TUBGCP3: variants seen among roughly 807,000 people sequenced by gnomAD.
The protein encoded by TUBGCP3 is gamma-tubulin complex component 3.
In TUBGCP3, 50 loss-of-function variants were observed where a neutral mutation model predicts 123.1. The ratio of observed to expected loss-of-function variants is 0.41; its 90% CI spans 0.32 to 0.51. The LOEUF is 0.51. Ranked by LOEUF, TUBGCP3 falls within the 20% of genes least tolerant of loss-of-function variation. The pLI, the probability that TUBGCP3 is intolerant of heterozygous loss-of-function variation, is 0.36. For synonymous variants in TUBGCP3, 405 were observed against 413.9 expected (o/e 0.98, Z 0.26); for missense variants, 882 against 1,127.0 (o/e 0.78, Z 3.11).
chr13:112,572,291 C>T (rs146023810), intron 1 of TUBGCP3, among the ~76,000 whole-genome samples: 2,797 of 152,244 alleles, frequency 0.018, 37 homozygotes, highest in South Asian at 0.049. Flanking sequence ...AAACAAAAAG[C>T]GGGATACATG....
intron 1 of TUBGCP3, among the ~76,000 whole-genome samples, chr13:112,587,703 T>A (rs1594243450): frequency 7.6e-6 from 1 of 131,146 alleles, no homozygotes; most frequent in South Asian, 2.4e-4. Context: ...CCCCCAGCCC[T>A]CCGCTGTCCT....
At position 112,557,379 on chromosome 13, in the gene TUBGCP3, A is replaced by G. The variant is rs748641027; in HGVS notation, c.548+817T>C. Among the ~76,000 whole-genome samples the G allele has an allele frequency of 1.7e-4, 26 of 152,244 alleles. 1 individual carries two copies. Among genetic ancestry groups the G allele is most frequent in the Non-Finnish European group, 3.7e-4 (25 of 68,040 alleles). On this transcript the variant is annotated intron_variant, in intron 5 of 21. Coordinates refer to ENST00000261965, the MANE Select transcript of TUBGCP3 (RefSeq NM_006322.6). The stretch of plus-strand genomic sequence containing the variant: ...CATTCTGTTTTCGAGTATCTTGAAC[A>G]TAATTGAATAAATCACAAAATGATT...
intron 1 of TUBGCP3, among the ~76,000 whole-genome samples, chr13:112,579,688 T>A (rs530387351): frequency 1.5e-5 from 2 of 137,830 alleles, no homozygotes; most frequent in East Asian, 4.5e-4. Context: ...CACACTGCTG[T>A]GTGCGGGTGG....
chr13:112,576,232 G>C (rs566768158), intron 1 of TUBGCP3, among the ~76,000 whole-genome samples: 2 of 151,818 alleles, frequency 1.3e-5, no homozygotes, highest in Admixed American at 1.3e-4. Context: ...GCCTCAAATT[G>C]GAAAAACTGC....
intron 3 of TUBGCP3, among the ~76,000 whole-genome samples, chr13:112,560,681 A>G (rs912826193): frequency 2.0e-5 from 3 of 152,214 alleles, no homozygotes; most frequent in Non-Finnish European, 4.4e-5. Flanking sequence ...TAAACTCTCC[A>G]TTATATAAAA....
chr13:112,551,022 A>G (rs556094212), intron 8 of TUBGCP3, among the ~76,000 whole-genome samples: 3 of 151,762 alleles, frequency 2.0e-5, no homozygotes, highest in African/African-American at 4.8e-5. Context: ...TGGCGTGAAC[A>G]TGGGAGGCGG....
the TUBGCP3 span, among the ~76,000 whole-genome samples, chr13:112,601,057 G>A: frequency 1.3e-5 from 2 of 151,762 alleles, no homozygotes; most frequent in East Asian, 1.9e-4. Context: ...ACGCAGTAGC[G>A]TTTGCCTGTA....
At chr13:112,555,645 G>A (rs1159221762) in intron 6 of TUBGCP3, among the ~76,000 whole-genome samples, 1 of 152,190 alleles carries the variant, frequency 6.6e-6, no homozygotes, top group Non-Finnish European at 1.5e-5. Context: ...CACCATAAAT[G>A]AAAAGACATA....
intron 7 of TUBGCP3, 88 bp from the exon 8 acceptor site, chr13:112,554,270 T>C: frequency 6.8e-7 from 1 of 1,462,568 alleles, no homozygotes; most frequent in Non-Finnish European, 9.3e-7. Context: ...CTACTTTTAA[T>C]ACTATAATCC....
At chr13:112,509,976 T>G (rs1028584387) in intron 17 of TUBGCP3, among the ~76,000 whole-genome samples, 1 of 152,232 alleles carries the variant, frequency 6.6e-6, no homozygotes, top group East Asian at 1.9e-4. Flanking sequence ...GTTTTAAATG[T>G]GTTTTTATGG....
intron 6 of TUBGCP3, 89 bp downstream of exon 6, chr13:112,555,963 G>C: frequency 7.1e-7 from 1 of 1,402,180 alleles, no homozygotes; most frequent in Non-Finnish European, 9.7e-7. Flanking sequence ...AAGGTTTGAG[G>C]TGGGGCTCCT....
At chr13:112,567,978 T>C (rs7981489) in intron 2 of TUBGCP3, among the ~76,000 whole-genome samples, 140,701 of 150,460 alleles carry the variant, frequency 0.94, 65,692 homozygotes, top group East Asian at 1. Context: ...CACTAAGACC[T>C]AAGGCCAAAT....
At chr13:112,516,314 G>GA (rs1876119250) in intron 17 of TUBGCP3, 126 bp downstream of exon 17, 5 of 1,069,512 alleles carry the variant, frequency 4.7e-6, no homozygotes, top group Non-Finnish European at 6.2e-6. Context: ...TTCGCCATCT[G>GA]AAAAAAATAT....
chr13:112,487,865 C>T (rs761232387), intron 21 of TUBGCP3, among the ~76,000 whole-genome samples: 1 of 152,116 alleles, frequency 6.6e-6, no homozygotes, highest in Non-Finnish European at 1.5e-5. Flanking sequence ...GGCATGGTGG[C>T]TCATGCCTGT....
chr13:112,558,123 T>C (rs1199068253), intron 5 of TUBGCP3, 73 bp downstream of exon 5: 5 of 1,481,312 alleles, frequency 3.4e-6, no homozygotes, highest in Middle Eastern at 2.5e-4. Flanking sequence ...TGAACATCAA[T>C]GTCTGGTTAA....
At chr13:112,604,955 T>A in the TUBGCP3 span, 1 of 152,248 alleles carries the variant, frequency 6.6e-6, no homozygotes, top group Non-Finnish European at 1.5e-5. Flanking sequence ...GACATCTGGC[T>A]TGTCTTTACA....
At chr13:112,489,738 G>A (rs1402084724) in intron 20 of TUBGCP3, 41 bp from the exon 21 acceptor site, 5 of 1,536,252 alleles carry the variant, frequency 3.3e-6, no homozygotes, top group South Asian at 1.1e-5. Flanking sequence ...AAATCACGAT[G>A]GAAAACAGAT....
At chr13:112,588,551 G>T (rs541205674), upstream of TUBGCP3, among the ~76,000 whole-genome samples, 1 of 152,158 alleles carries the variant, frequency 6.6e-6, no homozygotes, top group Non-Finnish European at 1.5e-5. Flanking sequence ...CACCTGCTAC[G>T]CTATCCAACA....
intron 11 of TUBGCP3, among the ~76,000 whole-genome samples, chr13:112,535,015 A>G (rs955282056): frequency 2.0e-5 from 3 of 152,146 alleles, no homozygotes; most frequent in African/African-American, 7.2e-5. Flanking sequence ...AATTCTGGAC[A>G]TTTCATACGA....
Sources: gnomAD v4.1 joint callset for allele counts (sites outside exome capture counted in the v4.1 genomes callset) on GRCh38, gnomAD v4.1.1 for gene constraint, MANE v1.5 for transcripts, NCBI Gene and HGNC (gene_info 2026-07-23, HGNC 2026-07-21) for gene names.